PAN3: variants seen among roughly 807,000 people sequenced by gnomAD.
PAN3 encodes poly(A) specific ribonuclease subunit PAN3, also known as PAN2-PAN3 deadenylation complex subunit PAN3.
In PAN3, 19 loss-of-function variants were observed where a neutral mutation model predicts 96.2. The observed-to-expected ratio is 0.20, with a 90% confidence interval of 0.14 to 0.29. PAN3 has a LOEUF of 0.29. PAN3 is among the 10% of genes least tolerant of loss of function. The probability of loss-of-function intolerance (pLI) is 1.00; values close to 1 mark genes in which losing one functional copy is unlikely to be tolerated. For synonymous variants in PAN3, 433 were observed against 406.6 expected (o/e 1.06, Z -0.78); for missense variants, 882 against 1,108.1 (o/e 0.80, Z 2.90).
chr13:28,275,154 C>T (rs534574463), intron 14 of PAN3, among the ~76,000 whole-genome samples: 3 of 152,040 alleles, frequency 2.0e-5, no homozygotes, highest in African/African-American at 7.2e-5. Flanking sequence ...CTGGGTTTTA[C>T]GGTGTGAAAC....
At chr13:28,249,518 G>A (rs575317409) in intron 6 of PAN3, among the ~76,000 whole-genome samples, 275 of 151,712 alleles carry the variant, frequency 1.8e-3, no homozygotes, top group African/African-American at 6.2e-3. Context: ...GCGTGACCTC[G>A]GCTCACCACA....
At chr13:28,245,902 T>G (rs1884138249) in intron 6 of PAN3, among the ~76,000 whole-genome samples, 1 of 152,224 alleles carries the variant, frequency 6.6e-6, no homozygotes, top group Non-Finnish European at 1.5e-5. Flanking sequence ...TATCATATTT[T>G]GTTTACCTGC....
intron 5 of PAN3, among the ~76,000 whole-genome samples, chr13:28,209,910 A>T (rs960960206): frequency 6.6e-6 from 1 of 151,776 alleles, no homozygotes; most frequent in Non-Finnish European, 1.5e-5. Flanking sequence ...CCTCCAGAGT[A>T]GCTGGGACTA....
intron 5 of PAN3, chr13:28,215,427 C>A: frequency 1.4e-6 from 1 of 710,060 alleles, no homozygotes; most frequent in Non-Finnish European, 2.6e-6. Context: ...TTCTTGGAGA[C>A]ATTATGGGCT....
intron 9 of PAN3, among the ~76,000 whole-genome samples, chr13:28,263,263 G>A (rs1163360591): frequency 6.6e-6 from 1 of 152,166 alleles, no homozygotes; most frequent in African/African-American, 2.4e-5. Flanking sequence ...AGCCAGACAC[G>A]TTCTGTGATA....
chr13:28,221,113 G>C (rs142331744), intron 6 of PAN3, among the ~76,000 whole-genome samples: 301 of 152,098 alleles, frequency 2.0e-3, no homozygotes, highest in Middle Eastern at 6.8e-3. Context: ...TTTTGCATCT[G>C]CTACTCCATA....
intron 12 of PAN3, among the ~76,000 whole-genome samples, chr13:28,268,013 T>C (rs1272396739): frequency 6.6e-6 from 1 of 152,222 alleles, no homozygotes; most frequent in African/African-American, 2.4e-5. Context: ...ATATCAGATA[T>C]TTAACTGGAA....
At chr13:28,275,131 G>A (rs1269110248) in intron 14 of PAN3, among the ~76,000 whole-genome samples, 1 of 152,140 alleles carries the variant, frequency 6.6e-6, no homozygotes, top group East Asian at 1.9e-4. Flanking sequence ...GAGAAATAAG[G>A]AAAGGAGAGT....
At chr13:28,261,688 G>A (rs1040447383) in intron 9 of PAN3, among the ~76,000 whole-genome samples, 1 of 152,192 alleles carries the variant, frequency 6.6e-6, no homozygotes, top group South Asian at 2.1e-4. Context: ...AATTAGCTGG[G>A]AGTGGTGGTG....
At chr13:28,257,691 A>AATATATT (rs1566234753) in intron 7 of PAN3, among the ~76,000 whole-genome samples, 1 of 140,160 alleles carries the variant, frequency 7.1e-6, no homozygotes, top group East Asian at 2.0e-4. Flanking sequence ...AAATTATATA[A>AATATATT]ATATATATTA....
intron 9 of PAN3, among the ~76,000 whole-genome samples, chr13:28,265,218 G>A (rs558127921): frequency 2.6e-5 from 4 of 152,242 alleles, no homozygotes; most frequent in South Asian, 2.1e-4. Context: ...GTATTCTTCC[G>A]TTGTACTGCT....
chr13:28,211,664 A>G (rs1880049068), intron 5 of PAN3, among the ~76,000 whole-genome samples: 1 of 152,202 alleles, frequency 6.6e-6, no homozygotes, highest in South Asian at 2.1e-4. Flanking sequence ...ATTCCTTAAT[A>G]TTTTCAAAAC....
intron 15 of PAN3, among the ~76,000 whole-genome samples, chr13:28,279,614 T>C (rs767542459): frequency 5.9e-5 from 9 of 151,426 alleles, no homozygotes; most frequent in Non-Finnish European, 1.3e-4. Context: ...AAAAAAATTA[T>C]CTGGGCTTGG....
intron 6 of PAN3, among the ~76,000 whole-genome samples, chr13:28,221,192 C>T (rs549487965): frequency 6.6e-6 from 1 of 151,738 alleles, no homozygotes; most frequent in Admixed American, 6.6e-5. Context: ...TGCTGTATAC[C>T]TTGATTTGGA....
At chr13:28,268,500 T>G (rs1886365036) in intron 12 of PAN3, among the ~76,000 whole-genome samples, 1 of 152,184 alleles carries the variant, frequency 6.6e-6, no homozygotes, top group African/African-American at 2.4e-5. Context: ...GTTTTATCAT[T>G]GAGATTTTGC....
chr13:28,138,844 G>A lies in PAN3; in HGVS notation c.187G>A (p.Glu63Lys). The A allele has an allele frequency of 7.0e-7, 1 of 1,424,492 alleles. No homozygotes were observed. The allele number at this position is 1,424,492 out of a possible 1,614,324, so 88.2% of individuals were successfully genotyped here. ...GGATAAGACTTGCTTCTACGGGGAG[G>A]AGTGTCAGTTCCTGCATGAGGACCC... ...AKDKTCFYGEECQFLHEDPAA... is the reference protein window; with the variant it reads ...AKDKTCFYGEKCQFLHEDPAA... Residue 63 changes from glutamate to lysine, a missense_variant, in exon 1 of 19, where the codon GAG becomes AAG. Transcript: ENST00000380958.
In PAN3 at chr13:28,197,174, C is replaced by CT. The variant is rs762350801; in HGVS notation, c.691-6dup. The stretch of plus-strand genomic sequence containing the variant: ...TAGGAGTGGCCTGGTTTCTTTCCTT[C>CT]TTTTTCCTAGCCAAGGAAGTATCGC... On this transcript the variant is annotated splice_polypyrimidine_tract_variant and intron_variant, in intron 4 of 18. Transcript: ENST00000380958. 1.1e-5 allele frequency: 17 copies of CT among 1,609,300 alleles called. No homozygotes were observed. Among genetic ancestry groups the CT allele is most frequent in the Non-Finnish European group, 1.4e-5 (17 of 1,177,860 alleles).
chr13:28,264,499 G>A lies in PAN3; in HGVS notation c.1412-2216G>A, dbSNP rs146223030. Among the ~76,000 whole-genome samples, 1,047 of 152,092 alleles carry A rather than the reference G, an allele frequency of 6.9e-3. 11 individuals carry two copies. The highest frequency in any genetic ancestry group is 0.024 in the African/African-American group (1,010 of 41,488). On this transcript the variant is annotated intron_variant, in intron 9 of 18. Transcript: ENST00000380958. ...GGTTGCAGTGAGATTGTGCCATTGC[G>A]CTCCATCCTGGGAGACTCTGTCTCC...
chr13:28,139,224 G>A, intron 1 of PAN3, 137 bp downstream of exon 1: 4 of 1,031,168 alleles, frequency 3.9e-6, no homozygotes, highest in Non-Finnish European at 5.0e-6. Context: ...AGAGGCCTAG[G>A]CCGGGCCTGA....
Sources: gnomAD v4.1 joint callset for allele counts (sites outside exome capture counted in the v4.1 genomes callset) on GRCh38, gnomAD v4.1.1 for gene constraint, MANE v1.5 for transcripts, NCBI Gene and HGNC (gene_info 2026-07-23, HGNC 2026-07-21) for gene names.